The following RPRD1B variants were observed in gnomAD, a reference collection of about 807,000 sequenced individuals.
The protein encoded by RPRD1B is regulation of nuclear pre-mRNA domain-containing protein 1B.
In RPRD1B, 11 loss-of-function variants were observed where a neutral mutation model predicts 41.5. That is an observed-to-expected ratio of 0.27 (90% CI 0.17 to 0.44). The LOEUF is 0.44. Ranked by LOEUF, RPRD1B falls within the 20% of genes least tolerant of loss-of-function variation. The pLI, the probability that RPRD1B is intolerant of heterozygous loss-of-function variation, is 1.00. For synonymous variants in RPRD1B, 158 were observed against 155.6 expected (o/e 1.02, Z -0.12); for missense variants, 248 against 389.9 (o/e 0.64, Z 3.06).
intron 6 of RPRD1B, among the ~76,000 whole-genome samples, chr20:38,084,652 A>G (rs970899799): frequency 7.9e-5 from 12 of 152,148 alleles, no homozygotes; most frequent in African/African-American, 1.9e-4. Context: ...CTCTTCAGCA[A>G]ATTGTCTGGG....
intron 2 of RPRD1B, among the ~76,000 whole-genome samples, chr20:38,044,169 C>T (rs921421615): frequency 3.3e-5 from 5 of 152,092 alleles, no homozygotes; most frequent in African/African-American, 4.8e-5. Flanking sequence ...CAGACTGGAG[C>T]GCTCTGGGTA....
Position 38,057,622 on chromosome 20 carries a change from A to C in RPRD1B, c.506A>C (p.Asp169Ala). ...DDYPGSYSPQ[D>A]PSAGPLLTEE... is the part of the protein sequence containing the mutation. ...TACCCTGGCAGCTACTCTCCTCAGG[A>C]TCCTTCTGCAGGACCCCTCTTGGTA... The change falls in exon 4 of 7, where the codon GAT becomes GCT. Residue 169 changes from aspartate to alanine, a missense_variant. Coordinates refer to ENST00000373433, the MANE Select transcript of RPRD1B (RefSeq NM_021215.4). 1 of 1,613,896 alleles carries C rather than the reference A, an allele frequency of 6.2e-7. No homozygotes were observed. The highest frequency in any genetic ancestry group is 8.5e-7 in the Non-Finnish European group (1 of 1,179,758).
Position 38,033,751 on chromosome 20 carries a change from G to T in RPRD1B, c.-197G>T, listed in dbSNP as rs543765808. On this transcript the variant is annotated 5_prime_UTR_variant, in exon 1 of 7. Transcript: ENST00000373433. ...CTCTCGCGGCAGGGTGAGAGGTCGG[G>T]TGGCCATCTTGTGGCGGCGGCGCGG... 67 of 570,990 alleles carry T rather than the reference G, an allele frequency of 1.2e-4. 1 individual carries two copies. The highest frequency in any genetic ancestry group is 4.9e-5 in the Non-Finnish European group (16 of 326,778). 35.4% of individuals were successfully genotyped at this position (570,990 alleles called of 1,614,324 possible).
chr20:38,042,474 A>G (rs1344844975), intron 2 of RPRD1B, among the ~76,000 whole-genome samples: 1 of 152,212 alleles, frequency 6.6e-6, no homozygotes, highest in Non-Finnish European at 1.5e-5. Flanking sequence ...TTTCTTGGGA[A>G]CACCTTAAAA....
chr20:38,065,578 GTTA>G (rs1251374182), intron 5 of RPRD1B, among the ~76,000 whole-genome samples: 2 of 152,130 alleles, frequency 1.3e-5, no homozygotes, highest in African/African-American at 2.4e-5. Flanking sequence ...GTAAATAGTT[GTTA>G]TTCTGTATTT....
intron 6 of RPRD1B, among the ~76,000 whole-genome samples, chr20:38,087,969 G>C (rs1316354602): frequency 6.6e-6 from 1 of 152,196 alleles, no homozygotes; most frequent in African/African-American, 2.4e-5. Context: ...CTGGCCTCCA[G>C]GAGCTTACTA....
At chr20:38,043,050 A>G (rs975699013) in intron 2 of RPRD1B, among the ~76,000 whole-genome samples, 1 of 152,188 alleles carries the variant, frequency 6.6e-6, no homozygotes, top group African/African-American at 2.4e-5. Context: ...TCTATGTGCC[A>G]AGTATGGATC....
rs150334436 is a variant in RPRD1B at position 38,077,182 on chromosome 20, C to T, written c.831+10926C>T. 8.3e-3 allele frequency among the ~76,000 whole-genome samples: 1,267 copies of T among 151,864 alleles called. 10 individuals are homozygous for T. Among genetic ancestry groups the T allele is most frequent in the African/African-American group, 0.025 (1,037 of 41,408 alleles). ...ATCCACCCGCCTCAGCCTCCCAAAG[C>T]GCTGGGATTACAGACATGAGCCACT... On this transcript the variant is annotated intron_variant, in intron 6 of 6. Transcript: ENST00000373433.
chr20:38,052,194 A>G (rs1416737622), intron 3 of RPRD1B, among the ~76,000 whole-genome samples: 2 of 152,216 alleles, frequency 1.3e-5, no homozygotes, highest in Non-Finnish European at 2.9e-5. Context: ...TGCAGGTAAG[A>G]TATTATCAGT....
At position 38,038,490 on chromosome 20, in the gene RPRD1B, G is replaced by GTTTTTT. The variant is rs150397040; in HGVS notation, c.152-1926_152-1921dup. The stretch of plus-strand genomic sequence containing the variant: ...ACGCCCGGCTGATTTTTTTTGTTTT[G>GTTTTTT]TTTTTTTTTTTTTTTTTTTTTTTTG... On this transcript the variant is annotated intron_variant, in intron 1 of 6. Transcript: ENST00000373433. Among the ~76,000 whole-genome samples, 420 of 76,740 alleles carry GTTTTTT rather than the reference G, an allele frequency of 5.5e-3. 4 individuals are homozygous for GTTTTTT. Among genetic ancestry groups the GTTTTTT allele is most frequent in the Non-Finnish European group, 6.9e-3 (270 of 38,896 alleles). The allele number at this position is 76,740 out of a possible 152,430, so 50.3% of individuals were successfully genotyped here. A position where few individuals can be genotyped will look rare whatever the true frequency, so the allele number is the denominator to read the frequency against.
chr20:38,038,497 T>TTG (rs1568641428), intron 1 of RPRD1B, among the ~76,000 whole-genome samples: 71 of 131,106 alleles, frequency 5.4e-4, no homozygotes, highest in African/African-American at 1.5e-3. Flanking sequence ...TTTGTTTTTT[T>TTG]TTTTTTTTTT....
chr20:38,055,774 C>T (rs1434831554), intron 3 of RPRD1B, among the ~76,000 whole-genome samples: 4 of 152,140 alleles, frequency 2.6e-5, no homozygotes, highest in African/African-American at 7.2e-5. Flanking sequence ...GACAGCACAG[C>T]GAAGCACTTT....
intron 6 of RPRD1B, among the ~76,000 whole-genome samples, chr20:38,087,157 A>G (rs970232403): frequency 5.3e-5 from 8 of 151,892 alleles, no homozygotes; most frequent in Admixed American, 5.2e-4. Flanking sequence ...ATGGAGTTGC[A>G]CCATGTTGCC....
intron 6 of RPRD1B, among the ~76,000 whole-genome samples, chr20:38,070,966 A>T (rs1053968142): frequency 2.5e-4 from 38 of 152,202 alleles, no homozygotes; most frequent in African/African-American, 8.4e-4. Context: ...TCCTGATCTC[A>T]GGTGATCCAC....
intron 6 of RPRD1B, among the ~76,000 whole-genome samples, chr20:38,082,332 T>C (rs2074520491): frequency 6.6e-6 from 1 of 152,202 alleles, no homozygotes; most frequent in African/African-American, 2.4e-5. Context: ...TTCTAGGTTT[T>C]CTAGTTTGTG....
intron 3 of RPRD1B, among the ~76,000 whole-genome samples, chr20:38,055,462 T>G (rs79198432): frequency 3.9e-5 from 6 of 152,248 alleles, no homozygotes; most frequent in South Asian, 2.1e-4. Flanking sequence ...TTTTTTTTTT[T>G]GTTAGCGTCT....
At chr20:38,059,718 T>G (rs562523445) in intron 5 of RPRD1B, among the ~76,000 whole-genome samples, 198 bp downstream of exon 5, 1 of 152,324 alleles carries the variant, frequency 6.6e-6, no homozygotes, top group East Asian at 1.9e-4. Flanking sequence ...TGAATAGTGA[T>G]TCTAGGAATT....
At chr20:38,036,549 T>G (rs2074005310) in intron 1 of RPRD1B, among the ~76,000 whole-genome samples, 1 of 152,242 alleles carries the variant, frequency 6.6e-6, no homozygotes, top group Non-Finnish European at 1.5e-5. Context: ...CTTGTTTATT[T>G]GCAACACCAC....
chr20:38,088,487 C>T (rs2074582681), intron 6 of RPRD1B, among the ~76,000 whole-genome samples: 1 of 152,230 alleles, frequency 6.6e-6, no homozygotes, highest in Admixed American at 6.5e-5. Flanking sequence ...TGTTACATTC[C>T]TGCAGGAAGG....
Sources: gnomAD v4.1 joint callset for allele counts (sites outside exome capture counted in the v4.1 genomes callset) on GRCh38, gnomAD v4.1.1 for gene constraint, MANE v1.5 for transcripts, NCBI Gene and HGNC (gene_info 2026-07-23, HGNC 2026-07-21) for gene names.